NOS1: variants seen among roughly 807,000 people sequenced by gnomAD.
NOS1 encodes nitric oxide synthase 1.
In NOS1, 51 loss-of-function variants were observed where a neutral mutation model predicts 164.5. The ratio of observed to expected loss-of-function variants is 0.31; its 90% confidence interval spans 0.25 to 0.39. The LOEUF is 0.39. NOS1 is among the 10% of genes least tolerant of loss of function. NOS1 has a pLI of 1.00. For synonymous variants in NOS1, 719 were observed against 745.8 expected (o/e 0.96, Z 0.59); for missense variants, 1,362 against 1,885.6 (o/e 0.72, Z 5.14).
chr12:117,222,038 T>C (rs2135926806), intron 26 of NOS1, among the ~76,000 whole-genome samples: 1 of 152,128 alleles, frequency 6.6e-6, no homozygotes, highest in African/African-American at 2.4e-5. Context: ...TCAGTGGCAT[T>C]AAGTACCCTT....
chr12:117,304,519 C>T (rs751384839), intron 3 of NOS1, among the ~76,000 whole-genome samples: 9 of 152,222 alleles, frequency 5.9e-5, no homozygotes, highest in Non-Finnish European at 1.2e-4. Flanking sequence ...GGCAGGGAAG[C>T]CTGTGTTTGC....
intron 16 of NOS1, among the ~76,000 whole-genome samples, chr12:117,255,454 G>C (rs1291913674): frequency 6.6e-6 from 1 of 152,176 alleles, no homozygotes; most frequent in African/African-American, 2.4e-5. Flanking sequence ...TAGCAGCAGG[G>C]TTTCTAAGCT....
intron 16 of NOS1, chr12:117,256,031 C>T (rs779070130): frequency 2.4e-5 from 35 of 1,438,548 alleles, no homozygotes; most frequent in East Asian, 1.4e-4. Flanking sequence ...GCAAGGGTTC[C>T]GGGTACCTAG....
At chr12:117,252,484 G>A (rs1871172675) in intron 17 of NOS1, among the ~76,000 whole-genome samples, 1 of 152,178 alleles carries the variant, frequency 6.6e-6, no homozygotes, top group Non-Finnish European at 1.5e-5. Flanking sequence ...TCAGTGTTGA[G>A]CTGAAAAAAG....
chr12:117,226,805 C>G, intron 23 of NOS1, 35 bp from the exon 24 acceptor site: 1 of 1,568,290 alleles, frequency 6.4e-7, no homozygotes, highest in Non-Finnish European at 8.8e-7. Flanking sequence ...GGGCCACCCA[C>G]TGCTCCCGAG....
chr12:117,210,405 C>T lies in NOS1; in HGVS notation c.*4904G>A, dbSNP rs551070627. ...TCTCTCCTTGTTGCTTCCTGGCAGT[C>T]TCAGACTACATTCCTGATACAGACA... is the stretch of plus-strand genomic sequence containing the variant. On this transcript the variant is annotated 3_prime_UTR_variant, in exon 29 of 29. Coordinates refer to ENST00000317775, the MANE Select transcript of NOS1 (RefSeq NM_000620.5). The T allele has an allele frequency of 1.7e-5, 17 of 985,392 alleles. No homozygotes were observed. In the East Asian group the frequency reaches 1.8e-3, roughly 105 times the overall value. 61.0% of individuals were successfully genotyped at this position (985,392 alleles called of 1,614,324 possible).
rs1870402387 is a variant in NOS1 at position 117,243,860 on chromosome 12, C to T, written c.2824-425G>A. Among the ~76,000 whole-genome samples the T allele has an allele frequency of 6.6e-6, 1 of 151,750 alleles. No homozygotes were observed. Among genetic ancestry groups the T allele is most frequent in the Non-Finnish European group, 1.5e-5 (1 of 67,908 alleles). Reference sequence around the variant, plus strand: ...TCCATGCATCCATCCTTCCATCCATCTACCCACCCACCCACCTATCCATCT... The same window carrying T: ...TCCATGCATCCATCCTTCCATCCATTTACCCACCCACCCACCTATCCATCT... On this transcript the variant is annotated intron_variant, in intron 18 of 28. Coordinates refer to ENST00000317775, the MANE Select transcript of NOS1 (RefSeq NM_000620.5). This position sits in a 1 kb window ranked among gnomAD's most constrained non-coding sequence, Gnocchi z 4.3.
At chr12:117,351,276 T>C (rs1876605657) in intron 1 of NOS1, among the ~76,000 whole-genome samples, 1 of 152,132 alleles carries the variant, frequency 6.6e-6, no homozygotes, top group South Asian at 2.1e-4. Flanking sequence ...GGGTCTGCAT[T>C]CCCTTCTGAG....
intron 21 of NOS1, among the ~76,000 whole-genome samples, chr12:117,232,917 G>T (rs1165122930): frequency 6.6e-6 from 1 of 151,126 alleles, no homozygotes; most frequent in African/African-American, 2.4e-5. Context: ...TTGCCCAGGC[G>T]AGTGCAGTGG....
At chr12:117,237,239 C>T (rs1869785627) in intron 20 of NOS1, among the ~76,000 whole-genome samples, 1 of 152,004 alleles carries the variant, frequency 6.6e-6, no homozygotes, top group South Asian at 2.1e-4. Context: ...TCAAGAGATT[C>T]TCCTGCCTCA....
At chr12:117,255,485 G>A (rs1342796516) in intron 16 of NOS1, among the ~76,000 whole-genome samples, 2 of 152,144 alleles carry the variant, frequency 1.3e-5, no homozygotes, top group African/African-American at 4.8e-5. Flanking sequence ...TAAAGTTTTC[G>A]CTCCAGCATC....
rs1318855938 is a variant in NOS1, at chr12:117,311,581, C to A, written c.737G>T (p.Gly246Val). ...GAGGGGCAGAGGTTTGTGTGACTTG[C>A]CGTCCAAATCTCTGAAAGGCAAGGT... ...MGIQVDRDLD[G>V]KSHKPLPLGV... is the part of the protein sequence containing the mutation. Residue 246 changes from glycine (G) to valine (V), a missense_variant, in exon 3 of 29, where the codon GGC becomes GTC. Physicochemically the swap from Gly to Val is moderately radical, Grantham distance 109. This residue lies in a region of NOS1 where 362 missense variants were observed against 402.0 expected (regional missense o/e 0.90). Coordinates refer to ENST00000317775, the MANE Select transcript of NOS1 (RefSeq NM_000620.5). 6.2e-7 allele frequency: 1 copy of A among 1,610,328 alleles called. No individual in the cohort carries two copies. Among genetic ancestry groups the A allele is most frequent in the South Asian group, 1.1e-5 (1 of 90,206 alleles).
chr12:117,260,798 A>G (rs1871839780), intron 13 of NOS1, among the ~76,000 whole-genome samples, 189 bp from the exon 14 acceptor site: 1 of 146,726 alleles, frequency 6.8e-6, no homozygotes, highest in Admixed American at 7.0e-5. Flanking sequence ...GTATTATTAA[A>G]GTATTATTAA....
In NOS1 at chr12:117,323,286, G is replaced by A. The variant is rs533975506; in HGVS notation, c.725+7059C>T. On this transcript the variant is annotated intron_variant, in intron 2 of 28. Coordinates refer to ENST00000317775, the MANE Select transcript of NOS1 (RefSeq NM_000620.5). Reference sequence around the variant, plus strand: ...GCATCCCTCAGGGTGACCTGCATTCGCTACAACAGGCCAGGGGCACCTTCT... The same window carrying A: ...GCATCCCTCAGGGTGACCTGCATTCACTACAACAGGCCAGGGGCACCTTCT... 3.9e-5 allele frequency among the ~76,000 whole-genome samples: 6 copies of A among 152,300 alleles called. No individual in the cohort carries two copies. The East Asian group carries it at 9.6e-4, about 24-fold the overall frequency.
intron 22 of NOS1, among the ~76,000 whole-genome samples, chr12:117,229,224 A>G (rs1868973498): frequency 6.6e-6 from 1 of 152,152 alleles, no homozygotes. Context: ...CCTGAAACTG[A>G]CATCCATCAC....
intron 1 of NOS1, among the ~76,000 whole-genome samples, chr12:117,344,695 T>C (rs1209665758): frequency 6.6e-6 from 1 of 152,234 alleles, no homozygotes; most frequent in African/African-American, 2.4e-5. Context: ...AGGGATTTTC[T>C]ACTCCAATTC....
At chr12:117,285,381 G>T in intron 6 of NOS1, 49 bp from the exon 7 acceptor site, 2 of 1,280,628 alleles carry the variant, frequency 1.6e-6, no homozygotes, top group Non-Finnish European at 2.2e-6. Context: ...TCCCTCCCCA[G>T]CTCCCCCAGC....
intron 1 of NOS1, among the ~76,000 whole-genome samples, chr12:117,359,894 A>G (rs1325370242): frequency 2.7e-5 from 1 of 37,332 alleles, no homozygotes; most frequent in Non-Finnish European, 5.3e-5. Flanking sequence ...ATATATATAT[A>G]TATATATATA....
intron 25 of NOS1, among the ~76,000 whole-genome samples, chr12:117,223,454 G>A (rs1030959864): frequency 3.3e-5 from 5 of 152,052 alleles, no homozygotes; most frequent in African/African-American, 1.2e-4. Context: ...TAGAGATGGG[G>A]TTTCACTGTG....
Sources: gnomAD v4.1 joint callset for allele counts (sites outside exome capture counted in the v4.1 genomes callset) on GRCh38, gnomAD v4.1.1 for gene constraint, gnomAD v4.1.1 regional missense constraint, Gnocchi (gnomAD v3.1) non-coding constraint, MANE v1.5 for transcripts, NCBI Gene and HGNC (gene_info 2026-07-23, HGNC 2026-07-21) for gene names.